Variants in ATF3 observed in about 807,000 individuals in gnomAD.
The protein encoded by ATF3 is cyclic AMP-dependent transcription factor ATF-3.
Under a neutral mutation model 18.4 loss-of-function variants are expected in ATF3, and 10 were observed. The ratio of observed to expected loss-of-function variants is 0.54; its 90% CI spans 0.34 to 0.92. ATF3 has a LOEUF of 0.92. Among genes scored for constraint, ATF3 ranks in the 40% least tolerant of loss-of-function variants. The probability of loss-of-function intolerance (pLI) is 0.02; values close to 1 mark genes in which losing one functional copy is unlikely to be tolerated. For missense variants in ATF3, 183 were observed against 222.3 expected, an observed-to-expected ratio of 0.82 and a Z score of 1.12; for synonymous variants, 78 against 87.9, an observed-to-expected ratio of 0.89 and a Z score of 0.63.
intron 1 of ATF3, among the ~76,000 whole-genome samples, chr1:212,588,193 G>A (rs989838227): frequency 6.6e-6 from 1 of 152,132 alleles, no homozygotes; most frequent in African/African-American, 2.4e-5. Context: ...AGAGGCTTAG[G>A]ACTAGGAGAC....
chr1:212,571,837 G>T (rs1369219746), intron 1 of ATF3, among the ~76,000 whole-genome samples: 1 of 151,662 alleles, frequency 6.6e-6, no homozygotes, highest in Non-Finnish European at 1.5e-5. Context: ...TCAGCCTCCT[G>T]AGTAGCTGGG....
In ATF3 at chr1:212,619,564, G is replaced by T. The variant is rs755246396; in HGVS notation, c.*9G>T. On this transcript the variant is annotated 3_prime_UTR_variant, in exon 4 of 4. Transcript: ENST00000341491. The surrounding 1 kb of genome is among the most constrained non-coding windows in gnomAD (Gnocchi z 4.4). ...GAACATTGCAGAGCTAAGCAGTCGT[G>T]GTATGGGGGCGACTGGGGAGTCCTC... is the stretch of plus-strand genomic sequence containing the variant. The T allele has an allele frequency of 1.2e-6, 2 of 1,613,868 alleles. No individual in the cohort carries two copies. The highest frequency in any genetic ancestry group is 1.7e-6 in the Non-Finnish European group (2 of 1,179,884).
rs116389161 is a variant in ATF3 at position 212,597,327 on chromosome 1, T to C, written c.-4-17691T>C. Among the ~76,000 whole-genome samples, 1,406 of 152,248 alleles carry C rather than the reference T, an allele frequency of 9.2e-3. 12 individuals are homozygous for C. Among genetic ancestry groups the C allele is most frequent in the Non-Finnish European group, 0.015 (1,050 of 68,006 alleles). ...AGACACAGCGCTTATAATCACAAAA[T>C]TGAAGAACTGTAAGGAATTTCAGAA... On this transcript the variant is annotated intron_variant, in intron 1 of 3. Coordinates refer to the ATF3 transcript ENST00000366981.
intron 1 of ATF3, among the ~76,000 whole-genome samples, chr1:212,598,054 G>A (rs1241738269): frequency 6.6e-6 from 1 of 152,138 alleles, no homozygotes; most frequent in Non-Finnish European, 1.5e-5. Flanking sequence ...AAGACACACA[G>A]TAATATTAGT....
At chr1:212,569,501 G>A (rs1664442148) in intron 1 of ATF3, among the ~76,000 whole-genome samples, 1 of 152,192 alleles carries the variant, frequency 6.6e-6, no homozygotes, top group Non-Finnish European at 1.5e-5. Context: ...GGAAAATGGG[G>A]AGAAGAGAAA....
At chr1:212,583,105 T>C (rs1040834140) in intron 1 of ATF3, among the ~76,000 whole-genome samples, 1 of 152,170 alleles carries the variant, frequency 6.6e-6, no homozygotes, top group Non-Finnish European at 1.5e-5. Context: ...TCCTAACTGG[T>C]TTCTGAGAGA....
intron 1 of ATF3, among the ~76,000 whole-genome samples, chr1:212,587,235 C>G (rs920970841): frequency 1.4e-4 from 22 of 152,156 alleles, no homozygotes; most frequent in African/African-American, 5.3e-4. Flanking sequence ...TTAAATTATA[C>G]ATAATTGGCG....
rs1011612695 is a variant in ATF3, at chr1:212,569,766, A to G, written c.-5+4283A>G. On this transcript the variant is annotated intron_variant, in intron 1 of 3. Transcript: ENST00000366981. ...ACCTTACTAATACTCTATGTTAAAC[A>G]TTTGGGTAATATCTGATTCATCAAT... Among the ~76,000 whole-genome samples, 12 of 152,276 alleles carry G rather than the reference A, an allele frequency of 7.9e-5. 1 individual carries two copies. The East Asian group carries it at 1.5e-3, about 20-fold the overall frequency.
At chr1:212,585,251 C>T (rs955674992) in intron 1 of ATF3, among the ~76,000 whole-genome samples, 4 of 152,186 alleles carry the variant, frequency 2.6e-5, no homozygotes, top group Non-Finnish European at 2.9e-5. Flanking sequence ...GACGTGAAGG[C>T]GCTGCTGGAG....
At chr1:212,597,794 C>T (rs1032167276) in intron 1 of ATF3, among the ~76,000 whole-genome samples, 8 of 152,150 alleles carry the variant, frequency 5.3e-5, no homozygotes, top group African/African-American at 1.7e-4. Flanking sequence ...CTTTCCGTTT[C>T]GCTTATATAA....
In ATF3 at chr1:212,618,427, T is replaced by C; in HGVS notation, c.348+193T>C. On this transcript the variant is annotated intron_variant, in intron 3 of 3. Coordinates refer to ENST00000341491, the MANE Select transcript of ATF3 (RefSeq NM_001674.4). This position sits in a 1 kb window ranked among gnomAD's most constrained non-coding sequence, Gnocchi z 4.4. The stretch of plus-strand genomic sequence containing the variant: ...GCAGTTAACACAATGGATGTGACGG[T>C]GGATGTATAAAAACAGGTGTGTGAA... 1.5e-6 allele frequency: 1 copy of C among 649,130 alleles called. No individual in the cohort carries two copies. 40.2% of individuals were successfully genotyped at this position (649,130 alleles called of 1,614,324 possible). A position where few individuals can be genotyped will look rare whatever the true frequency, so the allele number is the denominator to read the frequency against.
chr1:212,619,554 A>G lies in ATF3; in HGVS notation c.545A>G (p.Ter182=). The G allele has an allele frequency of 6.2e-7, 1 of 1,614,122 alleles. No homozygotes were observed. Among genetic ancestry groups the G allele is most frequent in the East Asian group, 2.2e-5 (1 of 44,888 alleles). Residue 182 remains the stop codon, a stop_retained_variant, in exon 4 of 4, where the codon TAA becomes TGA. Transcript: ENST00000341491. The surrounding 1 kb of genome is among the most constrained non-coding windows in gnomAD (Gnocchi z 4.4). ...ATAAAAGAAGGAACATTGCAGAGCT[A>G]AGCAGTCGTGGTATGGGGGCGACTG... ...QQIKEGTLQS[*]
intron 1 of ATF3, among the ~76,000 whole-genome samples, chr1:212,574,355 CTATTAT>C (rs1664535052): frequency 6.6e-6 from 1 of 151,590 alleles, no homozygotes; most frequent in Admixed American, 6.6e-5. Flanking sequence ...GTTTTAATTT[CTATTAT>C]TAATAGCTAG....
chr1:212,600,775 A>G (rs1654458588), intron 1 of ATF3, among the ~76,000 whole-genome samples: 2 of 152,184 alleles, frequency 1.3e-5, no homozygotes, highest in African/African-American at 4.8e-5. Flanking sequence ...GGCTGTGAGC[A>G]CCTGGAAGGC....
At chr1:212,594,982 C>A (rs977580340) in intron 1 of ATF3, among the ~76,000 whole-genome samples, 1 of 152,198 alleles carries the variant, frequency 6.6e-6, no homozygotes, top group African/African-American at 2.4e-5. Flanking sequence ...AGTTTCACAA[C>A]AAAAACTGAG....
At chr1:212,572,083 C>G (rs1664494788) in intron 1 of ATF3, among the ~76,000 whole-genome samples, 1 of 152,180 alleles carries the variant, frequency 6.6e-6, no homozygotes, top group African/African-American at 2.4e-5. Flanking sequence ...ACAGTGGTCT[C>G]AGAATATCTA....
intron 1 of ATF3, among the ~76,000 whole-genome samples, chr1:212,595,487 C>T (rs1025865011): frequency 1.3e-5 from 2 of 152,230 alleles, no homozygotes; most frequent in African/African-American, 2.4e-5. Context: ...CCTTCCTGGA[C>T]CAACCACAGT....
chr1:212,599,276 T>G (rs867757904), intron 1 of ATF3, among the ~76,000 whole-genome samples: 1 of 152,222 alleles, frequency 6.6e-6, no homozygotes, highest in African/African-American at 2.4e-5. Flanking sequence ...GAAAAAAGAC[T>G]TGTTTAAATA....
In ATF3 at chr1:212,576,716, C is replaced by CTTTTTTTTTTTT. The variant is rs761124416; in HGVS notation, c.-5+11237_-5+11238insTTTTTTTTTTTT. On this transcript the variant is annotated intron_variant, in intron 1 of 3. Transcript: ENST00000366981. The stretch of plus-strand genomic sequence containing the variant: ...TTATTAAAAAATATTCTTTTCTTTT[C>CTTTTTTTTTTTT]TTTTCTTTTTTTTTTTTTTTTTTTT... Among the ~76,000 whole-genome samples the CTTTTTTTTTTTT allele has an allele frequency of 6.6e-4, 52 of 78,232 alleles. 4 individuals carry two copies. The highest frequency in any genetic ancestry group is 1.0e-3 in the African/African-American group (20 of 19,490). The allele number at this position is 78,232 out of a possible 152,430, so 51.3% of individuals were successfully genotyped here.
Sources: allele counts gnomAD v4.1 joint callset (sites outside exome capture counted in the v4.1 genomes callset), GRCh38; gene constraint gnomAD v4.1.1; non-coding constraint Gnocchi (gnomAD v3.1); transcripts MANE v1.5; gene names NCBI Gene and HGNC (gene_info 2026-07-23, HGNC 2026-07-21).